JARID2: variants seen among roughly 807,000 people sequenced by gnomAD.
JARID2 encodes protein Jumonji.
In JARID2, 21 loss-of-function variants were observed where a neutral mutation model predicts 125.6. The ratio of observed to expected loss-of-function variants is 0.17; its 90% confidence interval spans 0.12 to 0.24. The LOEUF is 0.24. Among genes scored for constraint, JARID2 ranks in the 10% least tolerant of loss-of-function variants. The pLI, the probability that JARID2 is intolerant of heterozygous loss-of-function variation, is 1.00. For missense variants in JARID2, 1,303 were observed against 1,639.6 expected, an observed-to-expected ratio of 0.79 and a Z score of 3.55; for synonymous variants, 736 against 661.6, an observed-to-expected ratio of 1.11 and a Z score of -1.73.
chr6:15,424,614 T>C (rs1449328887), intron 3 of JARID2, among the ~76,000 whole-genome samples: 1 of 151,902 alleles, frequency 6.6e-6, no homozygotes, highest in East Asian at 1.9e-4. Flanking sequence ...TCCCAGCACT[T>C]TGGGGGGCTG....
chr6:15,488,448 A>G (rs1488974123), intron 6 of JARID2, among the ~76,000 whole-genome samples: 1 of 152,190 alleles, frequency 6.6e-6, no homozygotes, highest in African/African-American at 2.4e-5. Flanking sequence ...CACAGAGTTA[A>G]AAATAGAGGG....
Position 15,327,882 on chromosome 6 carries a change from A to G in JARID2, c.46-46235A>G, listed in dbSNP as rs143827533. Among the ~76,000 whole-genome samples the G allele has an allele frequency of 4.6e-5, 7 of 152,110 alleles. No individual in the cohort carries two copies. In the East Asian group the frequency reaches 1.4e-3, roughly 29 times the overall value. ...TTTTGTGAAGCGTTTTTCATCCCCC[A>G]CTTAGATGCATTTTCCGTGTTGGAG... On this transcript the variant is annotated intron_variant, in intron 1 of 17. Coordinates refer to ENST00000341776, the MANE Select transcript of JARID2 (RefSeq NM_004973.4).
rs1175416180 is a variant in JARID2 at position 15,513,503 on chromosome 6, G to A, written c.3450+81G>A. On this transcript the variant is annotated intron_variant, in intron 16 of 17. Transcript: ENST00000341776. ...CCGGGGTTGCCCCCAGAAGAGGGAG[G>A]GCGCTCTCTGCCCAGGAGACCTGCT... The A allele has an allele frequency of 4.4e-6, 6 of 1,350,498 alleles. No homozygotes were observed. The East Asian group carries it at 7.1e-5, about 16-fold the overall frequency. The allele number at this position is 1,350,498 out of a possible 1,614,324, so 83.7% of individuals were successfully genotyped here.
At chr6:15,507,098 C>A (rs777811613) in intron 9 of JARID2, 38 bp from the exon 10 acceptor site, 2 of 1,357,450 alleles carry the variant, frequency 1.5e-6, no homozygotes. Flanking sequence ...GCTGCAGCAC[C>A]TTAGGGGTGC....
chr6:15,406,630 G>A (rs1393214915), intron 2 of JARID2, among the ~76,000 whole-genome samples: 1 of 152,192 alleles, frequency 6.6e-6, no homozygotes, highest in Non-Finnish European at 1.5e-5. Context: ...AATGGAGTCA[G>A]TACTTTGATT....
In JARID2 at chr6:15,452,014, T is replaced by C. The variant is rs768119421; in HGVS notation, c.332T>C (p.Leu111Pro). Reference sequence around the variant, plus strand: ...TTCTTTTGCTTTTGCAGGCCCAGGCTGCAAGCACAAAGGAAGTTTGCTCAG... The same window carrying C: ...TTCTTTTGCTTTTGCAGGCCCAGGCCGCAAGCACAAAGGAAGTTTGCTCAG... ...EEGPSRKRPR[L>P]QAQRKFAQSQ... The change falls in exon 4 of 18, where the codon CTG (leucine) becomes CCG (proline). Residue 111 changes from leucine to proline, a missense_variant. This residue lies in a region of JARID2 where 3 missense variants were observed against 21.7 expected (regional missense o/e 0.14). Coordinates refer to ENST00000341776, the MANE Select transcript of JARID2 (RefSeq NM_004973.4). 1 of 1,613,744 alleles carries C rather than the reference T, an allele frequency of 6.2e-7. No homozygotes were observed. The highest frequency in any genetic ancestry group is 8.5e-7 in the Non-Finnish European group (1 of 1,179,872).
chr6:15,313,875 GAGAGTAGACATTGGTAATT>G (rs962908111), intron 1 of JARID2, among the ~76,000 whole-genome samples: 3 of 152,164 alleles, frequency 2.0e-5, no homozygotes, highest in African/African-American at 7.2e-5. Flanking sequence ...TTGGGCCTAG[GAGAGTAGACATTGGTAATT>G]ACCTTTGGCC....
chr6:15,432,983 G>T (rs1400416839), intron 3 of JARID2, among the ~76,000 whole-genome samples: 4 of 152,202 alleles, frequency 2.6e-5, no homozygotes, highest in African/African-American at 9.7e-5. Context: ...CCTGCCCTGA[G>T]GGTTTTTGAT....
intron 3 of JARID2, among the ~76,000 whole-genome samples, chr6:15,412,282 T>C (rs537628892): frequency 2.5e-3 from 373 of 152,208 alleles, no homozygotes; most frequent in Non-Finnish European, 3.9e-3. Context: ...TTCAAATGTG[T>C]AGTGTCATTA....
At chr6:15,314,071 A>G (rs766192934) in intron 1 of JARID2, among the ~76,000 whole-genome samples, 1 of 152,176 alleles carries the variant, frequency 6.6e-6, no homozygotes, top group Non-Finnish European at 1.5e-5. Flanking sequence ...CTGGGTAGCC[A>G]TGAACAGTGA....
intron 8 of JARID2, among the ~76,000 whole-genome samples, chr6:15,501,713 G>A (rs1040199188): frequency 6.6e-6 from 1 of 152,174 alleles, no homozygotes; most frequent in African/African-American, 2.4e-5. Context: ...GAGACCCAGT[G>A]AGGGAGGGGA....
intron 6 of JARID2, 42 bp downstream of exon 6, chr6:15,487,584 G>C: frequency 6.8e-7 from 1 of 1,478,240 alleles, no homozygotes; most frequent in Non-Finnish European, 9.1e-7. Flanking sequence ...CCAGACCCCA[G>C]TTTCCCACTT....
intron 1 of JARID2, among the ~76,000 whole-genome samples, chr6:15,350,678 A>G (rs1299041512): frequency 6.7e-6 from 1 of 150,098 alleles, no homozygotes; most frequent in Non-Finnish European, 1.5e-5. Context: ...TTTAATTGCT[A>G]TTTAAACAAG....
At chr6:15,417,423 T>C (rs1766281174) in intron 3 of JARID2, among the ~76,000 whole-genome samples, 1 of 152,220 alleles carries the variant, frequency 6.6e-6, no homozygotes, top group South Asian at 2.1e-4. Flanking sequence ...GTGACCTGAA[T>C]AAATTAATTC....
chr6:15,317,870 A>G (rs1253023327), intron 1 of JARID2, among the ~76,000 whole-genome samples: 2 of 151,902 alleles, frequency 1.3e-5, no homozygotes, highest in African/African-American at 4.8e-5. Context: ...ACCCGCTCCC[A>G]CAAAACTGGT....
intron 1 of JARID2, among the ~76,000 whole-genome samples, chr6:15,309,602 T>G (rs1375058836): frequency 6.6e-6 from 1 of 152,186 alleles, no homozygotes; most frequent in Non-Finnish European, 1.5e-5. Flanking sequence ...TTAATTTTTT[T>G]GTCTTATCTT....
intron 4 of JARID2, among the ~76,000 whole-genome samples, chr6:15,459,203 T>C (rs915171505): frequency 1.3e-5 from 2 of 152,212 alleles, no homozygotes; most frequent in Admixed American, 1.3e-4. Flanking sequence ...ATCATCCACA[T>C]ATAGGCATCC....
At chr6:15,513,548 C>T (rs574452902) in intron 16 of JARID2, 126 bp downstream of exon 16, 6 of 954,750 alleles carry the variant, frequency 6.3e-6, no homozygotes, top group South Asian at 3.6e-5. Flanking sequence ...TCTCTGGAGC[C>T]GGCTGTGGGA....
At chr6:15,277,886 T>C (rs1441557781) in intron 1 of JARID2, among the ~76,000 whole-genome samples, 2 of 35,298 alleles carry the variant, frequency 5.7e-5, no homozygotes, top group African/African-American at 2.6e-4. Flanking sequence ...AAAGAAATCC[T>C]TTTTTTTGGA....
Sources: allele counts gnomAD v4.1 joint callset (sites outside exome capture counted in the v4.1 genomes callset), GRCh38; gene constraint gnomAD v4.1.1; regional missense constraint gnomAD v4.1.1; transcripts MANE v1.5; gene names NCBI Gene and HGNC (gene_info 2026-07-23, HGNC 2026-07-21).